The following ABCA5 variants were observed in gnomAD, a reference collection of about 807,000 sequenced individuals.
ABCA5 encodes the protein ATP binding cassette subfamily A member 5.
A neutral mutation model predicts 206.0 loss-of-function variants in ABCA5; 163 were observed. That is an observed-to-expected ratio of 0.79 (90% CI 0.70 to 0.90). ABCA5 has a LOEUF of 0.90. Among genes scored for constraint, ABCA5 ranks in the 40% least tolerant of loss-of-function variants. ABCA5 has a pLI of 0.00. For missense variants in ABCA5, 1,859 were observed against 1,912.9 expected, an observed-to-expected ratio of 0.97 and a Z score of 0.53; for synonymous variants, 609 against 613.8, an observed-to-expected ratio of 0.99 and a Z score of 0.11.
chr17:69,277,555 T>C (rs2075347846), intron 19 of ABCA5, 86 bp downstream of exon 19: 1 of 1,058,686 alleles, frequency 9.4e-7, no homozygotes, highest in East Asian at 2.9e-5. Context: ...TTTACATATG[T>C]TAACATTTTA....
intron 15 of ABCA5, 114 bp downstream of exon 15, chr17:69,287,499 A>G (rs889416747): frequency 3.3e-5 from 45 of 1,359,890 alleles, no homozygotes; most frequent in Non-Finnish European, 4.3e-5. Context: ...TTTGTGAAGG[A>G]AACATACCAC....
Position 69,254,325 on chromosome 17 carries a change from C to A in ABCA5, c.4234G>T (p.Val1412Phe). Residue 1412 changes from valine to phenylalanine, a missense_variant, in exon 32 of 39, where the codon GTC (valine) becomes TTC (phenylalanine). Coordinates refer to ENST00000392676, the MANE Select transcript of ABCA5 (RefSeq NM_172232.4). ...AGACAATTATTTTACCGACTTATGA[C>A]TTCTTTCATGTCACTTGCACTCATT... ...KGMSASDMKE[V>F]ISRITHALDL... The A allele has an allele frequency of 6.2e-7, 1 of 1,604,360 alleles. No homozygotes were observed. The highest frequency in any genetic ancestry group is 8.5e-7 in the Non-Finnish European group (1 of 1,175,316).
rs1036260537 is a variant in ABCA5, at chr17:69,301,002, G to A, written c.1267+137C>T. On this transcript the variant is annotated intron_variant, in intron 9 of 38. Coordinates refer to ENST00000392676, the MANE Select transcript of ABCA5 (RefSeq NM_172232.4). ...AAGGTACAAAATATACTTATTTAAA[G>A]TCAAATTAAAAGCTTTAACAATGAA... is the stretch of plus-strand genomic sequence containing the variant. 11 of 687,238 alleles carry A rather than the reference G, an allele frequency of 1.6e-5. No homozygotes were observed. In the African/African-American group the frequency reaches 2.0e-4, roughly 13 times the overall value. 42.6% of individuals were successfully genotyped at this position (687,238 alleles called of 1,614,324 possible).
intron 10 of ABCA5, among the ~76,000 whole-genome samples, chr17:69,296,759 A>G (rs1467881314): frequency 6.6e-6 from 1 of 152,236 alleles, no homozygotes; most frequent in Admixed American, 6.5e-5. Context: ...GAGGCTACGA[A>G]TTCGAGACCA....
chr17:69,299,148 G>C (rs986629242), intron 9 of ABCA5, among the ~76,000 whole-genome samples: 6 of 152,046 alleles, frequency 3.9e-5, no homozygotes, highest in Middle Eastern at 6.8e-3. Context: ...GGCCATTATC[G>C]AAACATCAAA....
At chr17:69,298,588 T>C (rs12944980) in intron 9 of ABCA5, among the ~76,000 whole-genome samples, 59,149 of 151,888 alleles carry the variant, frequency 0.39, 12,533 homozygotes, top group Middle Eastern at 0.52. Flanking sequence ...AAAACATAAA[T>C]GTAGGGAAAG....
intron 35 of ABCA5, chr17:69,250,838 G>A (rs1238061677): frequency 2.0e-5 from 6 of 296,828 alleles, no homozygotes; most frequent in Admixed American, 4.9e-5. Flanking sequence ...CTGAGACACC[G>A]ACATTGGTAC....
chr17:69,285,972 C>T lies in ABCA5; in HGVS notation c.2198G>A (p.Gly733Glu). ...GTCATTCTGTTGTAATAAAGTAGCT[C>T]CAGGTATATGTTGTTTAACCAGTGA... The part of the protein sequence containing the change: ...LSSLVKQHIP[G>E]ATLLQQNDQQ... Residue 733 changes from glycine (G) to glutamate (E), a missense_variant, in exon 17 of 39, where the codon GGA becomes GAA. By Grantham distance (98) the Gly-to-Glu change is moderately conservative. Coordinates refer to ENST00000392676, the MANE Select transcript of ABCA5 (RefSeq NM_172232.4). 6.2e-7 allele frequency: 1 copy of T among 1,613,090 alleles called. No homozygotes were observed. Among genetic ancestry groups the T allele is most frequent in the Non-Finnish European group, 8.5e-7 (1 of 1,179,466 alleles).
chr17:69,294,188 T>A (rs1039236668), intron 11 of ABCA5, among the ~76,000 whole-genome samples: 1 of 152,190 alleles, frequency 6.6e-6, no homozygotes, highest in Non-Finnish European at 1.5e-5. Flanking sequence ...GTTGTTAGTT[T>A]TATTTTGAAT....
In ABCA5 at chr17:69,261,153, A is replaced by G. The variant is rs2075142461; in HGVS notation, c.3536T>C (p.Leu1179Pro). Residue 1179 changes from leucine to proline, a missense_variant, in exon 26 of 39, where the codon CTT becomes CCT. Coordinates refer to ENST00000392676, the MANE Select transcript of ABCA5 (RefSeq NM_172232.4). The part of the protein sequence containing the change: ...AFCIIIPIYP[L>P]LGCLISFIKI... ...TATGAAAGAAATCAGGCAACCTAGAAGTGGATAGATTGGAATGATGATACA... is the reference window on the plus strand; with the variant it reads ...TATGAAAGAAATCAGGCAACCTAGAGGTGGATAGATTGGAATGATGATACA... The G allele has an allele frequency of 6.3e-7, 1 of 1,597,200 alleles. No individual in the cohort carries two copies. Among genetic ancestry groups the G allele is most frequent in the African/African-American group, 1.3e-5 (1 of 74,468 alleles).
Position 69,304,687 on chromosome 17 carries a change from G to GA in ABCA5, c.911dup (p.Leu305ProfsTer18). ...TACTTACAGATGATAATCCATAAAGGAAAAAAAGCAGAAATATCACAATGC... is the reference window on the plus strand; with the variant it reads ...TACTTACAGATGATAATCCATAAAGGAAAAAAAAGCAGAAATATCACAATGC... On this transcript the variant is annotated frameshift_variant, in exon 7 of 39. Transcript: ENST00000392676. LOFTEE classifies it high-confidence loss of function. 6.3e-7 allele frequency: 1 copy of GA among 1,591,412 alleles called. No homozygotes were observed. Among genetic ancestry groups the GA allele is most frequent in the African/African-American group, 1.4e-5 (1 of 73,852 alleles).
At chr17:69,324,817 T>A (rs2075886901) in intron 1 of ABCA5, among the ~76,000 whole-genome samples, 1 of 152,198 alleles carries the variant, frequency 6.6e-6, no homozygotes, top group African/African-American at 2.4e-5. Context: ...AATCTGGTAT[T>A]AGCTACACTT....
At position 69,285,459 on chromosome 17, in the gene ABCA5, A is replaced by G. The variant is rs2075440778; in HGVS notation, c.2272+439T>C. 3 of 152,344 alleles carry G rather than the reference A, an allele frequency of 2.0e-5. No homozygotes were observed. In the South Asian group the frequency reaches 6.2e-4, roughly 32 times the overall value. 9.4% of individuals were successfully genotyped at this position (152,344 alleles called of 1,614,324 possible). ...GGAGACTGAGTTTGAGTTCCTCATTAAAAAATTAAAAAATAATGCCTCAAT... is the reference window on the plus strand; with the variant it reads ...GGAGACTGAGTTTGAGTTCCTCATTGAAAAATTAAAAAATAATGCCTCAAT... On this transcript the variant is annotated intron_variant, in intron 17 of 38. Transcript: ENST00000392676.
Position 69,270,715 on chromosome 17 carries a change from C to T in ABCA5, c.2928G>A (p.Met976Ile). The change falls in exon 22 of 39, where the codon ATG becomes ATA. Residue 976 changes from methionine to isoleucine, a missense_variant. Transcript: ENST00000392676. ...YVFAAVFNST[M>I]VYSLPILVNI... ...TCACTAATATAGGTAAAGAATAAAC[C>T]ATAGTACTGTTGAAAACAGCTGCAA... is the stretch of plus-strand genomic sequence containing the variant. 1.3e-6 allele frequency: 2 copies of T among 1,574,720 alleles called. No homozygotes were observed. The highest frequency in any genetic ancestry group is 1.7e-6 in the Non-Finnish European group (2 of 1,165,882).
At chr17:69,322,153 C>G (rs948839479) in intron 1 of ABCA5, among the ~76,000 whole-genome samples, 5 of 152,042 alleles carry the variant, frequency 3.3e-5, no homozygotes, top group African/African-American at 1.2e-4. Flanking sequence ...GGGAAGATCA[C>G]GAGGTCAGGA....
chr17:69,266,856 ATTTAT>A (rs1290039669), intron 23 of ABCA5, among the ~76,000 whole-genome samples: 3 of 150,388 alleles, frequency 2.0e-5, no homozygotes, highest in African/African-American at 4.8e-5. Context: ...GAATGTATTT[ATTTAT>A]TTTATTTATT....
chr17:69,300,511 T>C lies in ABCA5; in HGVS notation c.1267+628A>G, dbSNP rs867104181. ...AAAATGTTCTACAGAACATCTAGAT[T>C]GCACCATGCAATTTAGTAACTAACA... is the stretch of plus-strand genomic sequence containing the variant. On this transcript the variant is annotated intron_variant, in intron 9 of 38. Coordinates refer to ENST00000392676, the MANE Select transcript of ABCA5 (RefSeq NM_172232.4). 2.6e-5 allele frequency among the ~76,000 whole-genome samples: 4 copies of C among 152,312 alleles called. No homozygotes were observed. The South Asian group carries it at 8.3e-4, about 32-fold the overall frequency.
At chr17:69,287,184 A>G (rs2075465430) in intron 15 of ABCA5, among the ~76,000 whole-genome samples, 1 of 152,222 alleles carries the variant, frequency 6.6e-6, no homozygotes, top group Admixed American at 6.5e-5. Flanking sequence ...GTATATACTA[A>G]CTTTCCCAAG....
Position 69,297,303 on chromosome 17 carries a change from T to G in ABCA5, c.1324A>C (p.Lys442Gln). The stretch of plus-strand genomic sequence containing the variant: ...AACTCCTCATAATTTCTTTTGCTCT[T>G]TGACCAATATGAAGGCTTCAGAAAA... Reference protein sequence around the residue: ...LYFLKPSYWSKSKRNYEELSE... With the variant: ...LYFLKPSYWSQSKRNYEELSE... Residue 442 changes from lysine (K) to glutamine (Q), a missense_variant, in exon 10 of 39, where the codon AAG (lysine) becomes CAG (glutamine). Coordinates refer to ENST00000392676, the MANE Select transcript of ABCA5 (RefSeq NM_172232.4). The G allele has an allele frequency of 6.2e-7, 1 of 1,612,682 alleles. No homozygotes were observed. Among genetic ancestry groups the G allele is most frequent in the Non-Finnish European group, 8.5e-7 (1 of 1,179,500 alleles).
Sources: gnomAD v4.1 joint callset for allele counts (sites outside exome capture counted in the v4.1 genomes callset) on GRCh38, gnomAD v4.1.1 for gene constraint, MANE v1.5 for transcripts, NCBI Gene and HGNC (gene_info 2026-07-23, HGNC 2026-07-21) for gene names.